The following PSG8 variants were observed in gnomAD, a reference collection of about 807,000 sequenced individuals.
PSG8 encodes the protein pregnancy specific beta-1-glycoprotein 8, also known as pregnancy-specific beta-1-glycoprotein 8.
Under a neutral mutation model 42.5 loss-of-function variants are expected in PSG8, and 57 were observed. The ratio of observed to expected loss-of-function variants is 1.34; its 90% CI spans 1.08 to 1.67. The LOEUF (loss-of-function observed/expected upper bound fraction) is 1.67. Ranked by LOEUF, PSG8 falls within the 40% of genes most tolerant of loss-of-function variation. PSG8 has a pLI of 0.00. For missense variants in PSG8, 783 were observed against 518.6 expected (o/e 1.51, Z -4.95); for synonymous variants, 280 against 196.8 (o/e 1.42, Z -3.54).
At chr19:42,764,534 C>T (rs369030685) in intron 1 of PSG8, among the ~76,000 whole-genome samples, 4 of 152,088 alleles carry the variant, frequency 2.6e-5, no homozygotes, top group African/African-American at 9.6e-5. Context: ...CTGACCTTGG[C>T]ATTTTTCTGT....
chr19:42,760,462 C>A (rs1195470242), intron 2 of PSG8, among the ~76,000 whole-genome samples: 1 of 152,164 alleles, frequency 6.6e-6, no homozygotes, highest in South Asian at 2.1e-4. Flanking sequence ...TTACCCCACT[C>A]TTTTTGAACT....
At chr19:42,759,917 A>T (rs912430657) in intron 2 of PSG8, among the ~76,000 whole-genome samples, 2 of 152,074 alleles carry the variant, frequency 1.3e-5, no homozygotes, top group Non-Finnish European at 1.5e-5. Context: ...GAAATTAGCA[A>T]CTCCTTAAGT....
chr19:42,754,204 G>A, downstream of PSG8: 9 of 1,565,082 alleles, frequency 5.8e-6, no homozygotes, highest in Non-Finnish European at 7.8e-6. Context: ...GGGTTTAGGA[G>A]GAGAATTTGG....
intron 2 of PSG8, among the ~76,000 whole-genome samples, chr19:42,760,835 C>T (rs1054935159): frequency 3.9e-5 from 6 of 152,106 alleles, no homozygotes; most frequent in African/African-American, 7.2e-5. Context: ...CCTCGGCCTC[C>T]GAAAGTGCTG....
intron 2 of PSG8, among the ~76,000 whole-genome samples, chr19:42,763,069 T>G (rs533221148): frequency 6.6e-6 from 1 of 152,164 alleles, no homozygotes; most frequent in African/African-American, 2.4e-5. Flanking sequence ...TGTGAATAAA[T>G]GTTAAATGAT....
chr19:42,762,262 T>C (rs905844436), intron 2 of PSG8, among the ~76,000 whole-genome samples: 4 of 151,508 alleles, frequency 2.6e-5, no homozygotes, highest in African/African-American at 9.7e-5. Flanking sequence ...ACCATGGCAG[T>C]GAGCAGTGAG....
At chr19:42,764,461 G>C (rs574876035) in intron 1 of PSG8, among the ~76,000 whole-genome samples, 180 bp from the exon 2 acceptor site, 1 of 152,064 alleles carries the variant, frequency 6.6e-6, no homozygotes. Context: ...GTGTGTATGT[G>C]TGTGTGTCCT....
chr19:42,753,435 T>C, downstream of PSG8: 1 of 773,630 alleles, frequency 1.3e-6, no homozygotes, highest in South Asian at 1.3e-5. Flanking sequence ...TCATAACAGG[T>C]GTACTACAGT....
intron 2 of PSG8, among the ~76,000 whole-genome samples, chr19:42,759,344 C>T (rs955583397): frequency 2.0e-5 from 3 of 152,146 alleles, no homozygotes; most frequent in African/African-American, 7.2e-5. Flanking sequence ...GGGCGTTGTT[C>T]CATGGTTGTG....
rs139925716 is a variant in PSG8 at position 42,758,153 on chromosome 19, G to A, written c.558C>T (p.Ser186=). ...ACTGCAACCTGTGAGACATAGGGAG[G>A]CTCTGACCATTCATCCACCACAGGT... ...ASYLWWMNGQ[S]LPMSHRLQLS... Residue 186 remains serine (S), a synonymous_variant, in exon 3 of 5, where the codon AGC becomes AGT. Coordinates refer to ENST00000306511, the MANE Select transcript of PSG8 (RefSeq NM_182707.3). 12 of 1,613,902 alleles carry A rather than the reference G, an allele frequency of 7.4e-6. No homozygotes were observed. The highest frequency in any genetic ancestry group is 1.7e-5 in the Admixed American group (1 of 59,990).
At chr19:42,753,120 G>A (rs1279300047), downstream of PSG8, 5 of 643,180 alleles carry the variant, frequency 7.8e-6, no homozygotes, top group Non-Finnish European at 1.1e-5. Flanking sequence ...GACATCTTGG[G>A]AAAAACTGTC....
At chr19:42,754,229 C>T (rs1969851101), downstream of PSG8, 1 of 1,586,692 alleles carries the variant, frequency 6.3e-7, no homozygotes, top group South Asian at 1.2e-5. Context: ...TGCTTGTGCC[C>T]ATGGGACGCA....
At chr19:42,758,429 A>G (rs1969988877) in intron 2 of PSG8, 149 bp from the exon 3 acceptor site, 23 of 1,486,784 alleles carry the variant, frequency 1.5e-5, no homozygotes, top group Admixed American at 2.3e-5. Flanking sequence ...AGACAGATGC[A>G]GGGCAATCTG....
chr19:42,753,198 C>A (rs555655343), downstream of PSG8: 28 of 762,376 alleles, frequency 3.7e-5, no homozygotes, highest in Non-Finnish European at 6.1e-5. Context: ...TGGTGTCGAA[C>A]ATTTTAGTGA....
At chr19:42,760,456 C>G (rs529102977) in intron 2 of PSG8, among the ~76,000 whole-genome samples, 1 of 151,992 alleles carries the variant, frequency 6.6e-6, no homozygotes, top group Admixed American at 6.6e-5. Context: ...ACTTTTTTAC[C>G]CCACTCTTTT....
chr19:42,763,419 G>T (rs1280000225), intron 2 of PSG8, among the ~76,000 whole-genome samples: 1 of 152,168 alleles, frequency 6.6e-6, no homozygotes, highest in Non-Finnish European at 1.5e-5. Context: ...TCCTCTGACA[G>T]CTGGTAAATC....
chr19:42,753,341 T>A, downstream of PSG8: 1 of 780,528 alleles, frequency 1.3e-6, no homozygotes, highest in Non-Finnish European at 2.4e-6. Flanking sequence ...GAAAATGGAA[T>A]TGGAGGAACT....
Position 42,755,167 on chromosome 19 carries a change from G to T in PSG8, c.809C>A (p.Thr270Asn), listed in dbSNP as rs745899134. The change falls in exon 4 of 5, where the codon ACC becomes AAC. Residue 270 changes from threonine (T) to asparagine (N), a missense_variant. Transcript: ENST00000306511. ...CTGACCATTTAGCCACCAAATGTAG[G>T]TGTAGTTCTCACTCTTAGGTTCACA... Reference protein sequence around the residue: ...FTCEPKSENYTYIWWLNGQSL... With the variant: ...FTCEPKSENYNYIWWLNGQSL... 1.9e-5 allele frequency: 30 copies of T among 1,611,768 alleles called. No homozygotes were observed. The South Asian group carries it at 3.1e-4, about 17-fold the overall frequency.
intron 2 of PSG8, among the ~76,000 whole-genome samples, chr19:42,761,075 G>T (rs768585249): frequency 6.6e-6 from 1 of 152,078 alleles, no homozygotes; most frequent in Non-Finnish European, 1.5e-5. Context: ...GGGCTTTGGG[G>T]ACTGCAGGCC....
Sources: allele counts gnomAD v4.1 joint callset (sites outside exome capture counted in the v4.1 genomes callset), GRCh38; gene constraint gnomAD v4.1.1; transcripts MANE v1.5; gene names NCBI Gene and HGNC (gene_info 2026-07-23, HGNC 2026-07-21).